MAP4K3: variants seen among roughly 807,000 people sequenced by gnomAD.
The protein encoded by MAP4K3 is MAPK/ERK kinase kinase kinase 3.
In MAP4K3, 94 loss-of-function variants were observed where a neutral mutation model predicts 143.5. The ratio of observed to expected loss-of-function variants is 0.65; its 90% CI spans 0.55 to 0.78. The LOEUF is 0.78. Ranked by LOEUF, MAP4K3 falls within the 30% of genes least tolerant of loss-of-function variation. The pLI is 0.00. For missense variants in MAP4K3, 1,077 were observed against 1,068.1 expected (o/e 1.01, Z -0.12); for synonymous variants, 416 against 347.2 (o/e 1.20, Z -2.20).
In MAP4K3 at chr2:39,388,756, A is replaced by T. The variant is rs575773237; in HGVS notation, c.97-10633T>A. On this transcript the variant is annotated intron_variant, in intron 1 of 33. Coordinates refer to ENST00000263881, the MANE Select transcript of MAP4K3 (RefSeq NM_003618.4). Reference sequence around the variant, plus strand: ...AGGGTTAAAATTTACACTGATTTTGAGGGCCAGGAGCCTCAAGTCAAGAAA... The same window carrying T: ...AGGGTTAAAATTTACACTGATTTTGTGGGCCAGGAGCCTCAAGTCAAGAAA... 4.6e-5 allele frequency among the ~76,000 whole-genome samples: 7 copies of T among 152,332 alleles called. No homozygotes were observed. In the South Asian group the frequency reaches 1.4e-3, roughly 32 times the overall value.
chr2:39,371,352 C>G (rs771800642), intron 2 of MAP4K3, among the ~76,000 whole-genome samples: 1 of 152,132 alleles, frequency 6.6e-6, no homozygotes, highest in East Asian at 1.9e-4. Flanking sequence ...AACAAAGTTA[C>G]GATGGATGTG....
At chr2:39,301,732 A>G (rs1682517467) in intron 15 of MAP4K3, among the ~76,000 whole-genome samples, 1 of 152,128 alleles carries the variant, frequency 6.6e-6, no homozygotes, top group African/African-American at 2.4e-5. Context: ...GATTAAAAAT[A>G]AAGGAAATAG....
At chr2:39,367,083 T>A (rs1188409104) in intron 2 of MAP4K3, among the ~76,000 whole-genome samples, 1 of 152,234 alleles carries the variant, frequency 6.6e-6, no homozygotes, top group Non-Finnish European at 1.5e-5. Flanking sequence ...CTTCACCTGA[T>A]AAAAATAACT....
At position 39,286,930 on chromosome 2, in the gene MAP4K3, T is replaced by A. The variant is rs770946346; in HGVS notation, c.1509A>T (p.Glu503Asp). 9 of 1,609,094 alleles carry A rather than the reference T, an allele frequency of 5.6e-6. No homozygotes were observed. The highest frequency in any genetic ancestry group is 7.6e-6 in the Non-Finnish European group (9 of 1,178,250). The change falls in exon 21 of 34, where the codon GAA (glutamate) becomes GAT (aspartate). Residue 503 changes from glutamate (E) to aspartate (D), a missense_variant. Physicochemically the swap from Glu to Asp is conservative, Grantham distance 45. This residue lies in a region of MAP4K3 where 864 missense variants were observed against 801.2 expected (regional missense o/e 1.08). Coordinates refer to ENST00000263881, the MANE Select transcript of MAP4K3 (RefSeq NM_003618.4). ...NGMSSFQLNG[E>D]RDGSLCQQQN... Reference sequence around the variant, plus strand: ...GTTGTTGACATAATGAGCCATCTCGTTCACCATTTAACTGGAAGGAGCTCA... The same window carrying A: ...GTTGTTGACATAATGAGCCATCTCGATCACCATTTAACTGGAAGGAGCTCA...
intron 24 of MAP4K3, among the ~76,000 whole-genome samples, chr2:39,276,696 A>C (rs1405833599): frequency 1.3e-5 from 2 of 152,242 alleles, no homozygotes; most frequent in African/African-American, 4.8e-5. Flanking sequence ...GTGGACACAT[A>C]GTAAGCTTTA....
intron 1 of MAP4K3, among the ~76,000 whole-genome samples, chr2:39,386,565 T>C (rs189675638): frequency 9.8e-5 from 15 of 152,352 alleles, no homozygotes; most frequent in Admixed American, 9.2e-4. Context: ...CATTTTGAGA[T>C]CATTTTTGTG....
At chr2:39,430,183 T>C (rs763004618) in intron 1 of MAP4K3, among the ~76,000 whole-genome samples, 6 of 152,186 alleles carry the variant, frequency 3.9e-5, no homozygotes, top group Non-Finnish European at 8.8e-5. Context: ...GTATGTAGGT[T>C]AGCATACAGG....
chr2:39,428,437 G>C (rs532193958), intron 1 of MAP4K3, among the ~76,000 whole-genome samples: 1 of 152,186 alleles, frequency 6.6e-6, no homozygotes, highest in Admixed American at 6.5e-5. Context: ...ACTTTGGGAG[G>C]CTGAGGCAGG....
At chr2:39,349,130 C>T (rs1035353834) in intron 3 of MAP4K3, among the ~76,000 whole-genome samples, 2 of 152,088 alleles carry the variant, frequency 1.3e-5, no homozygotes, top group African/African-American at 2.4e-5. Context: ...GTCTTGCTGA[C>T]CAAAGCAATG....
chr2:39,343,242 A>T, intron 4 of MAP4K3, 146 bp downstream of exon 4: 1 of 475,118 alleles, frequency 2.1e-6, no homozygotes, highest in Non-Finnish European at 3.7e-6. Flanking sequence ...TTCCACCTAT[A>T]TCTAAAATAC....
chr2:39,288,349 T>C (rs1681888126), intron 19 of MAP4K3, 69 bp from the exon 20 acceptor site: 5 of 1,401,800 alleles, frequency 3.6e-6, no homozygotes, highest in Admixed American at 1.8e-5. Flanking sequence ...AGTACTATTA[T>C]ACATTAAAAG....
At chr2:39,398,739 A>ATAATAATAT (rs1666876175) in intron 1 of MAP4K3, among the ~76,000 whole-genome samples, 2 of 127,200 alleles carry the variant, frequency 1.6e-5, no homozygotes, top group Admixed American at 1.5e-4. Context: ...AATAATAATA[A>ATAATAATAT]TAATAATGAT....
intron 4 of MAP4K3, among the ~76,000 whole-genome samples, chr2:39,342,040 CAT>C (rs772831322): frequency 9.2e-5 from 14 of 152,036 alleles, no homozygotes; most frequent in South Asian, 2.1e-4. Flanking sequence ...AGTGATCACA[CAT>C]GAGTCACACC....
intron 12 of MAP4K3, 195 bp from the exon 13 acceptor site, chr2:39,315,583 T>C: frequency 1.9e-6 from 1 of 525,428 alleles, no homozygotes; most frequent in Non-Finnish European, 3.4e-6. Flanking sequence ...AATATTTTTA[T>C]TATCCACAAC....
intron 28 of MAP4K3, among the ~76,000 whole-genome samples, chr2:39,262,639 C>T (rs910331136): frequency 2.6e-5 from 4 of 152,062 alleles, no homozygotes; most frequent in Non-Finnish European, 5.9e-5. Context: ...AAGTCATTAA[C>T]AGAAGGGGAT....
At chr2:39,260,354 G>T (rs972483756) in intron 29 of MAP4K3, among the ~76,000 whole-genome samples, 1 of 151,978 alleles carries the variant, frequency 6.6e-6, no homozygotes, top group Non-Finnish European at 1.5e-5. Context: ...GGACTCAAGC[G>T]ATCTTCTCAC....
At chr2:39,434,189 T>C (rs1349103825) in intron 1 of MAP4K3, among the ~76,000 whole-genome samples, 3 of 152,198 alleles carry the variant, frequency 2.0e-5, no homozygotes, top group Admixed American at 2.0e-4. Flanking sequence ...TGCTGACAAA[T>C]TAAGGAACAA....
In MAP4K3 at chr2:39,288,288, A is replaced by G. The variant is rs1681885753; in HGVS notation, c.1315-8T>C. On this transcript the variant is annotated splice_polypyrimidine_tract_variant and splice_region_variant and intron_variant, in intron 19 of 33. Coordinates refer to ENST00000263881, the MANE Select transcript of MAP4K3 (RefSeq NM_003618.4). ...TATGAAGATAGACTTAGGCTGAAAT[A>G]ATATAGAAAAAGAGACCAACAATGA... 3.7e-6 allele frequency: 6 copies of G among 1,611,802 alleles called. No homozygotes were observed. The highest frequency in any genetic ancestry group is 5.1e-6 in the Non-Finnish European group (6 of 1,178,174).
At chr2:39,326,663 A>G (rs1425509351) in intron 8 of MAP4K3, among the ~76,000 whole-genome samples, 2 of 152,110 alleles carry the variant, frequency 1.3e-5, no homozygotes, top group African/African-American at 2.4e-5. Context: ...GCAGAATGAT[A>G]TGGTTTGGCT....
Sources: allele counts gnomAD v4.1 joint callset (sites outside exome capture counted in the v4.1 genomes callset), GRCh38; gene constraint gnomAD v4.1.1; regional missense constraint gnomAD v4.1.1; transcripts MANE v1.5; gene names NCBI Gene and HGNC (gene_info 2026-07-23, HGNC 2026-07-21).